The following GFPT1 variants were observed in gnomAD, a reference collection of about 807,000 sequenced individuals.
The protein encoded by GFPT1 is glutamine--fructose-6-phosphate transaminase 1.
In GFPT1, 40 loss-of-function variants were observed where a neutral mutation model predicts 92.0. The observed-to-expected ratio is 0.43, with a 90% CI of 0.34 to 0.57. The LOEUF (loss-of-function observed/expected upper bound fraction) is 0.57, where lower values mean the gene tolerates loss of function less well. Among genes scored for constraint, GFPT1 ranks in the 20% least tolerant of loss-of-function variants. The pLI is 0.02. For synonymous variants in GFPT1, 269 were observed against 280.6 expected, an observed-to-expected ratio of 0.96 and a Z score of 0.41; for missense variants, 448 against 869.1, an observed-to-expected ratio of 0.52 and a Z score of 6.09.
At chr2:69,364,584 T>C (rs1404580597) in intron 3 of GFPT1, among the ~76,000 whole-genome samples, 1 of 152,246 alleles carries the variant, frequency 6.6e-6, no homozygotes, top group Non-Finnish European at 1.5e-5. Flanking sequence ...CGTCTCACAA[T>C]AGAAACTGCA....
chr2:69,340,329 G>A (rs4625963), intron 13 of GFPT1, among the ~76,000 whole-genome samples: 135,468 of 152,010 alleles, frequency 0.89, 60,579 homozygotes, highest in African/African-American at 0.97. Flanking sequence ...ACCCAGCTGC[G>A]AACAACTTTT....
In GFPT1 at chr2:69,370,127, A is replaced by G. The variant is rs199690350; in HGVS notation, c.116-19T>C. 2.0e-6 allele frequency: 3 copies of G among 1,481,996 alleles called. No homozygotes were observed. In the African/African-American group the frequency reaches 4.1e-5, roughly 20 times the overall value. The allele number at this position is 1,481,996 out of a possible 1,614,324, so 91.8% of individuals were successfully genotyped here. A position where few individuals can be genotyped will look rare whatever the true frequency, so the allele number is the denominator to read the frequency against. ...CCCACACCTAAACCATCATGAGGTA[A>G]AAAAGCAAAATTTAGAAACTGGCTA... On this transcript the variant is annotated intron_variant, in intron 2 of 19. Coordinates refer to ENST00000357308, the MANE Select transcript of GFPT1 (RefSeq NM_001244710.2).
In GFPT1 at chr2:69,326,244, A is replaced by T; in HGVS notation, c.2056-11T>A. ...CCGTGGGAAATCAACCTGCAAAAAG[A>T]AAAAAAAAAAAAGCAAGATTTGAGA... On this transcript the variant is annotated splice_polypyrimidine_tract_variant and intron_variant, in intron 19 of 19. Coordinates refer to ENST00000357308, the MANE Select transcript of GFPT1 (RefSeq NM_001244710.2). 1 of 102,186 alleles carries T rather than the reference A, an allele frequency of 9.8e-6. No individual in the cohort carries two copies. The highest frequency in any genetic ancestry group is 1.3e-5 in the Non-Finnish European group (1 of 76,956). 6.3% of individuals were successfully genotyped at this position (102,186 alleles called of 1,614,324 possible).
At chr2:69,328,459 T>G (rs769389149) in intron 17 of GFPT1, 21 bp from the exon 18 acceptor site, 2 of 1,577,930 alleles carry the variant, frequency 1.3e-6, no homozygotes, top group South Asian at 2.2e-5. Context: ...AGAACCAGAT[T>G]TGTCTTCAAT....
chr2:69,384,965 T>A (rs965775355), intron 1 of GFPT1, among the ~76,000 whole-genome samples: 79 of 152,284 alleles, frequency 5.2e-4, no homozygotes, highest in African/African-American at 1.8e-3. Context: ...CATCTTCTTA[T>A]CTTTCAGAAT....
intron 12 of GFPT1, among the ~76,000 whole-genome samples, chr2:69,345,312 A>G (rs1671057627): frequency 6.6e-6 from 1 of 152,194 alleles, no homozygotes; most frequent in Admixed American, 6.5e-5. Flanking sequence ...AGGAGGGTAC[A>G]GGTTATCCAA....
intron 1 of GFPT1, among the ~76,000 whole-genome samples, chr2:69,379,696 C>T (rs1219631951): frequency 1.3e-5 from 2 of 151,644 alleles, no homozygotes; most frequent in East Asian, 4.0e-4. Context: ...TGCTAATGTG[C>T]CTGTAATTTA....
intron 1 of GFPT1, among the ~76,000 whole-genome samples, chr2:69,380,465 A>G (rs777346003): frequency 2.0e-5 from 3 of 152,214 alleles, no homozygotes; most frequent in Non-Finnish European, 4.4e-5. Context: ...CCCCTACTTT[A>G]CTGTAACTAT....
chr2:69,372,715 A>C (rs1203710227), intron 2 of GFPT1, among the ~76,000 whole-genome samples: 1 of 152,238 alleles, frequency 6.6e-6, no homozygotes, highest in African/African-American at 2.4e-5. Flanking sequence ...GAAGGAGAGA[A>C]TTTTAAAAAC....
chr2:69,328,174 A>G, intron 18 of GFPT1, 97 bp downstream of exon 18: 2 of 897,744 alleles, frequency 2.2e-6, no homozygotes, highest in Non-Finnish European at 3.7e-6. Context: ...AAAGTAAATG[A>G]GTTAACACGT....
chr2:69,367,641 G>A (rs1278201980), intron 3 of GFPT1, among the ~76,000 whole-genome samples: 2 of 152,176 alleles, frequency 1.3e-5, no homozygotes, highest in African/African-American at 2.4e-5. Context: ...GATTACAAGC[G>A]TGAGCCACCA....
intron 1 of GFPT1, among the ~76,000 whole-genome samples, chr2:69,377,591 C>A (rs1671908334): frequency 6.7e-6 from 1 of 150,342 alleles, no homozygotes; most frequent in Non-Finnish European, 1.5e-5. Flanking sequence ...ACCTGGGAGG[C>A]AGAGGTTGCA....
intron 13 of GFPT1, among the ~76,000 whole-genome samples, chr2:69,340,518 T>G (rs1670924021): frequency 6.6e-6 from 1 of 152,180 alleles, no homozygotes; most frequent in African/African-American, 2.4e-5. Context: ...ATGTGGGAGT[T>G]ATTTATATCC....
intron 1 of GFPT1, among the ~76,000 whole-genome samples, chr2:69,381,559 T>C (rs1164063743): frequency 6.6e-6 from 1 of 150,870 alleles, no homozygotes; most frequent in East Asian, 1.9e-4. Context: ...CTTGTAACTT[T>C]TTTTTTTTTT....
intron 9 of GFPT1, among the ~76,000 whole-genome samples, chr2:69,352,208 A>C (rs533655402): frequency 2.0e-5 from 3 of 152,292 alleles, no homozygotes; most frequent in Non-Finnish European, 4.4e-5. Context: ...GGTTGCAGTG[A>C]GGTGAGATTG....
chr2:69,360,245 C>T (rs1671435490), intron 4 of GFPT1, among the ~76,000 whole-genome samples: 2 of 148,398 alleles, frequency 1.3e-5, no homozygotes, highest in Non-Finnish European at 1.5e-5. Flanking sequence ...AGGAGAATCG[C>T]TTGAATCTGG....
chr2:69,383,937 CA>C (rs1672067039), intron 1 of GFPT1, among the ~76,000 whole-genome samples: 1 of 152,154 alleles, frequency 6.6e-6, no homozygotes, highest in Non-Finnish European at 1.5e-5. Context: ...CCCAAAATTC[CA>C]TTTTATATAC....
intron 9 of GFPT1, among the ~76,000 whole-genome samples, chr2:69,353,071 A>T (rs1195297349): frequency 6.6e-6 from 1 of 151,644 alleles, no homozygotes; most frequent in Admixed American, 6.6e-5. Flanking sequence ...GGTAAAAAAA[A>T]TTTGAGATAT....
intron 4 of GFPT1, among the ~76,000 whole-genome samples, chr2:69,360,093 C>T (rs1274240133): frequency 6.6e-6 from 1 of 151,940 alleles, no homozygotes; most frequent in Non-Finnish European, 1.5e-5. Context: ...TTTAAGAGGT[C>T]GAGATGGGCA....
Sources: allele counts gnomAD v4.1 joint callset (sites outside exome capture counted in the v4.1 genomes callset), GRCh38; gene constraint gnomAD v4.1.1; transcripts MANE v1.5; gene names NCBI Gene and HGNC (gene_info 2026-07-23, HGNC 2026-07-21).